Variants in EYS observed in about 807,000 individuals in gnomAD.
The protein encoded by EYS is protein eyes shut homolog.
Under a neutral mutation model 282.1 loss-of-function variants are expected in EYS, and 250 were observed. The ratio of observed to expected loss-of-function variants is 0.89; its 90% CI spans 0.80 to 0.98. EYS has a LOEUF of 0.98. Ranked by LOEUF, EYS falls within the 50% of genes least tolerant of loss-of-function variation. The probability of loss-of-function intolerance (pLI) is 0.00; values close to 1 mark genes in which losing one functional copy is unlikely to be tolerated. For missense variants in EYS, 4,016 were observed against 3,709.0 expected, an observed-to-expected ratio of 1.08 and a Z score of -2.15; for synonymous variants, 1,355 against 1,282.9, an observed-to-expected ratio of 1.06 and a Z score of -1.20.
Position 64,010,513 on chromosome 6 carries a change from G to GT in EYS, c.6726-11331dup, listed in dbSNP as rs1301031568. On this transcript the variant is annotated intron_variant, in intron 33 of 42. Transcript: ENST00000503581. ...TCTAGTGTTTTAAAAATACTTTAGAGTTTTTTCAGGCCCTTTCATAAAAAT... is the reference window on the plus strand; with the variant it reads ...TCTAGTGTTTTAAAAATACTTTAGAGTTTTTTTCAGGCCCTTTCATAAAAAT... 5.3e-5 allele frequency among the ~76,000 whole-genome samples: 8 copies of GT among 152,150 alleles called. No homozygotes were observed. In the East Asian group the frequency reaches 1.2e-3, roughly 22 times the overall value.
At chr6:65,581,743 T>A (rs554382164) in intron 2 of EYS, among the ~76,000 whole-genome samples, 10 of 152,172 alleles carry the variant, frequency 6.6e-5, no homozygotes, top group Admixed American at 3.3e-4. Context: ...CATTAGTAAA[T>A]AATGAAAATC....
At chr6:64,281,292 G>A (rs1005780417) in intron 30 of EYS, among the ~76,000 whole-genome samples, 1 of 151,992 alleles carries the variant, frequency 6.6e-6, no homozygotes, top group African/African-American at 2.4e-5. Context: ...TCAAAAGTGA[G>A]TGACCACTTG....
chr6:65,434,562 G>A lies in EYS; in HGVS notation c.863-29195C>T, dbSNP rs761997988. On this transcript the variant is annotated intron_variant, in intron 5 of 42. Transcript: ENST00000503581. ...GTTTCGATCTCCTCACCTTGTGATC[G>A]GCCCGCCTTGGCCTCCAAAGTGTTG... Among the ~76,000 whole-genome samples the A allele has an allele frequency of 3.3e-5, 5 of 152,004 alleles. No homozygotes were observed. In the South Asian group the frequency reaches 6.2e-4, roughly 19 times the overall value.
intron 26 of EYS, among the ~76,000 whole-genome samples, chr6:64,563,084 A>C (rs1189024982): frequency 6.6e-6 from 1 of 152,066 alleles, no homozygotes; most frequent in Non-Finnish European, 1.5e-5. Flanking sequence ...AGTAAATTGG[A>C]AATAGGTATT....
chr6:65,347,426 C>T (rs551819772), intron 9 of EYS, among the ~76,000 whole-genome samples: 1 of 151,718 alleles, frequency 6.6e-6, no homozygotes, highest in African/African-American at 2.4e-5. Flanking sequence ...AATGTTTGTG[C>T]AGTGTTTCTT....
chr6:63,975,425 T>A (rs568735265), intron 35 of EYS, among the ~76,000 whole-genome samples: 2 of 152,156 alleles, frequency 1.3e-5, no homozygotes, highest in Admixed American at 6.6e-5. Flanking sequence ...AAATAATTTC[T>A]AAACATGGAT....
chr6:64,174,190 G>A (rs896665148), intron 31 of EYS, among the ~76,000 whole-genome samples: 24 of 151,838 alleles, frequency 1.6e-4, no homozygotes, highest in African/African-American at 5.6e-4. Flanking sequence ...GCCAATAAGA[G>A]CAAAGTCTCA....
At chr6:63,836,677 A>T (rs1205733910) in intron 36 of EYS, among the ~76,000 whole-genome samples, 1 of 151,250 alleles carries the variant, frequency 6.6e-6, no homozygotes, top group Non-Finnish European at 1.5e-5. Context: ...TTAAAATATT[A>T]AAAAAAATTT....
intron 26 of EYS, among the ~76,000 whole-genome samples, chr6:64,441,321 G>A (rs1774938046): frequency 6.6e-6 from 1 of 152,134 alleles, no homozygotes; most frequent in African/African-American, 2.4e-5. Context: ...AATTAAAGTT[G>A]AGCAAACTTT....
chr6:65,345,809 A>G (rs1431338003), intron 9 of EYS, among the ~76,000 whole-genome samples: 3 of 151,374 alleles, frequency 2.0e-5, no homozygotes, highest in South Asian at 2.1e-4. Context: ...TGAGAAGATG[A>G]AAAAAAATGA....
At chr6:63,848,474 A>C (rs550261029) in intron 36 of EYS, among the ~76,000 whole-genome samples, 4 of 151,710 alleles carry the variant, frequency 2.6e-5, no homozygotes, top group African/African-American at 9.7e-5. Flanking sequence ...TGCACTTCCA[A>C]CTGAGGTACC....
chr6:64,977,050 G>C (rs1025319407), intron 14 of EYS, among the ~76,000 whole-genome samples: 1 of 151,604 alleles, frequency 6.6e-6, no homozygotes, highest in African/African-American at 2.4e-5. Context: ...ATGCCACCAC[G>C]CTTGCCTAAT....
intron 14 of EYS, among the ~76,000 whole-genome samples, chr6:64,963,531 A>G (rs915482492): frequency 4.6e-5 from 7 of 152,320 alleles, no homozygotes; most frequent in African/African-American, 1.7e-4. Flanking sequence ...AATTTCTGAG[A>G]CCACCAAAAG....
rs551843822 is a variant in EYS, at chr6:64,995,396, A to G, written c.2259+2186T>C. 1.7e-4 allele frequency among the ~76,000 whole-genome samples: 26 copies of G among 152,260 alleles called. No individual in the cohort carries two copies. The East Asian group carries it at 4.4e-3, about 26-fold the overall frequency. ...TTAATCTGTAACTTTTATAGTAATA[A>G]ATCCTAGCAAAAAGTAAAACAGTTT... On this transcript the variant is annotated intron_variant, in intron 14 of 42. Coordinates refer to ENST00000503581, the MANE Select transcript of EYS (RefSeq NM_001142800.2).
At chr6:65,476,377 T>G (rs1391876382) in intron 5 of EYS, among the ~76,000 whole-genome samples, 1 of 152,144 alleles carries the variant, frequency 6.6e-6, no homozygotes, top group African/African-American at 2.4e-5. Flanking sequence ...TTCCCCAAAT[T>G]TACAAAATTG....
chr6:64,758,034 A>G (rs1003477851), intron 22 of EYS, among the ~76,000 whole-genome samples: 1 of 152,090 alleles, frequency 6.6e-6, no homozygotes, highest in Non-Finnish European at 1.5e-5. Context: ...TCGGCCTCCC[A>G]AAGTGCTGGG....
chr6:63,740,412 TG>T (rs894431815), intron 41 of EYS, among the ~76,000 whole-genome samples: 18 of 152,222 alleles, frequency 1.2e-4, no homozygotes, highest in African/African-American at 4.3e-4. Flanking sequence ...TCCAGCCATG[TG>T]GAACTGTAAG....
chr6:65,548,420 T>C (rs556917146), intron 2 of EYS, among the ~76,000 whole-genome samples: 1 of 152,318 alleles, frequency 6.6e-6, no homozygotes, highest in South Asian at 2.1e-4. Flanking sequence ...AAGCTTTTAA[T>C]AACTGAATTA....
chr6:65,459,968 T>TTTATATA (rs1477968765), intron 5 of EYS, among the ~76,000 whole-genome samples: 2 of 80,662 alleles, frequency 2.5e-5, no homozygotes, highest in Non-Finnish European at 5.2e-5. Flanking sequence ...TTTGTGTATT[T>TTTATATA]TATATATATA....
Sources: allele counts gnomAD v4.1 joint callset (sites outside exome capture counted in the v4.1 genomes callset), GRCh38; gene constraint gnomAD v4.1.1; transcripts MANE v1.5; gene names NCBI Gene and HGNC (gene_info 2026-07-23, HGNC 2026-07-21).